The following SHISA6 variants were observed in gnomAD, a reference collection of about 807,000 sequenced individuals.
SHISA6 encodes the protein shisa family member 6, also known as protein shisa-6.
In SHISA6, 22 loss-of-function variants were observed where a neutral mutation model predicts 47.9. The observed-to-expected ratio is 0.46, with a 90% CI of 0.33 to 0.66. The LOEUF (loss-of-function observed/expected upper bound fraction) is 0.66, where lower values mean the gene tolerates loss of function less well. Among genes scored for constraint, SHISA6 ranks in the 30% least tolerant of loss-of-function variants. The pLI, the probability that SHISA6 is intolerant of heterozygous loss-of-function variation, is 0.02. For missense variants in SHISA6, 680 were observed against 764.6 expected (o/e 0.89, Z 1.30); for synonymous variants, 388 against 337.8 (o/e 1.15, Z -1.63).
chr17:11,517,198 G>T (rs1358944599), intron 3 of SHISA6, among the ~76,000 whole-genome samples: 1 of 152,188 alleles, frequency 6.6e-6, no homozygotes, highest in Non-Finnish European at 1.5e-5. Flanking sequence ...CTCTAAAGAT[G>T]ATTTGAGGGT....
chr17:11,244,947 A>G (rs1178408789), intron 1 of SHISA6, among the ~76,000 whole-genome samples: 3 of 152,104 alleles, frequency 2.0e-5, no homozygotes, highest in Non-Finnish European at 4.4e-5. Context: ...CGGATGGGCC[A>G]TCTGCATCTG....
At chr17:11,334,665 C>T (rs1210789463) in intron 2 of SHISA6, among the ~76,000 whole-genome samples, 2 of 152,214 alleles carry the variant, frequency 1.3e-5, no homozygotes, top group African/African-American at 2.4e-5. Flanking sequence ...CACATGATGC[C>T]AACATCACCT....
chr17:11,483,161 T>C (rs904839279), intron 3 of SHISA6, among the ~76,000 whole-genome samples: 6 of 151,736 alleles, frequency 4.0e-5, no homozygotes, highest in Non-Finnish European at 8.8e-5. Context: ...ATTAGCTGGG[T>C]GTGGTGGCAC....
intron 3 of SHISA6, among the ~76,000 whole-genome samples, chr17:11,401,986 T>C (rs1333646293): frequency 6.6e-6 from 1 of 152,160 alleles, no homozygotes; most frequent in Non-Finnish European, 1.5e-5. Flanking sequence ...AACACTCCCT[T>C]TCATAAAGGG....
At chr17:11,477,543 A>G (rs1373433800) in intron 3 of SHISA6, among the ~76,000 whole-genome samples, 1 of 149,416 alleles carries the variant, frequency 6.7e-6, no homozygotes, top group African/African-American at 2.5e-5. Context: ...AGCATTAGGT[A>G]TACCTCCCGA....
At chr17:11,375,459 T>C (rs1912768063) in intron 2 of SHISA6, among the ~76,000 whole-genome samples, 1 of 152,190 alleles carries the variant, frequency 6.6e-6, no homozygotes. Context: ...CCTGATCAGT[T>C]TGTTTCCCCC....
chr17:11,349,214 G>A (rs1318975852), intron 2 of SHISA6, among the ~76,000 whole-genome samples: 2 of 152,040 alleles, frequency 1.3e-5, no homozygotes, highest in East Asian at 1.9e-4. Context: ...ATTCCATTTC[G>A]CCATTGTTTC....
rs146511716 is a variant in SHISA6 at position 11,524,081 on chromosome 17, A to AAAAG, written c.896-27797_896-27794dup. On this transcript the variant is annotated intron_variant, in intron 3 of 5. Transcript: ENST00000441885. ...GAAAGAAAGAAAGATGAAAGAAAGA[A>AAAAG]AAAGAAAGAAAGAAAGAAAGAGAAA... is the stretch of plus-strand genomic sequence containing the variant. 3.2e-3 allele frequency among the ~76,000 whole-genome samples: 491 copies of AAAAG among 151,222 alleles called. 1 individual carries two copies. Among genetic ancestry groups the AAAAG allele is most frequent in the African/African-American group, 6.5e-3 (267 of 41,248 alleles).
intron 2 of SHISA6, among the ~76,000 whole-genome samples, chr17:11,351,913 A>G (rs1911904495): frequency 6.6e-6 from 1 of 152,220 alleles, no homozygotes; most frequent in African/African-American, 2.4e-5. Context: ...TGGTGGTGCT[A>G]TTGGGATGGG....
At chr17:11,547,335 A>C (rs1427699237) in intron 3 of SHISA6, among the ~76,000 whole-genome samples, 2 of 152,230 alleles carry the variant, frequency 1.3e-5, no homozygotes, top group East Asian at 3.8e-4. Flanking sequence ...AAATCTCAGT[A>C]AGTTCCAAAA....
intron 3 of SHISA6, among the ~76,000 whole-genome samples, chr17:11,433,440 C>T (rs990034314): frequency 9.9e-5 from 15 of 152,114 alleles, no homozygotes; most frequent in Non-Finnish European, 1.6e-4. Flanking sequence ...GCATAGTATT[C>T]CATGGTGTAT....
chr17:11,417,967 C>T (rs1914333399), intron 3 of SHISA6, among the ~76,000 whole-genome samples: 1 of 152,172 alleles, frequency 6.6e-6, no homozygotes, highest in South Asian at 2.1e-4. Flanking sequence ...ACTCAAGGTA[C>T]TTGGTCAGTT....
At chr17:11,514,944 T>C (rs980633669) in intron 3 of SHISA6, among the ~76,000 whole-genome samples, 15 of 152,182 alleles carry the variant, frequency 9.9e-5, no homozygotes, top group African/African-American at 3.4e-4. Flanking sequence ...TGTCTCTAAC[T>C]GTGCCTTTGA....
intron 3 of SHISA6, among the ~76,000 whole-genome samples, chr17:11,392,165 A>ATT (rs1401735062): frequency 6.6e-6 from 1 of 152,018 alleles, no homozygotes; most frequent in Non-Finnish European, 1.5e-5. Flanking sequence ...TTCCCAGTGA[A>ATT]TCTTTTTTTT....
intron 3 of SHISA6, among the ~76,000 whole-genome samples, chr17:11,499,688 T>C (rs1179592664): frequency 6.0e-5 from 9 of 149,538 alleles, no homozygotes; most frequent in East Asian, 5.8e-4. Flanking sequence ...TCTTTCTTTT[T>C]TTTTTTTTTT....
At chr17:11,430,110 A>G (rs995189393) in intron 3 of SHISA6, among the ~76,000 whole-genome samples, 7 of 152,196 alleles carry the variant, frequency 4.6e-5, no homozygotes, top group Non-Finnish European at 8.8e-5. Context: ...ATAATTTGCT[A>G]AGTGTCACAC....
intron 3 of SHISA6, among the ~76,000 whole-genome samples, chr17:11,407,192 A>G (rs1474056397): frequency 2.0e-5 from 3 of 151,948 alleles, no homozygotes; most frequent in Non-Finnish European, 4.4e-5. Context: ...CAAGATAACC[A>G]CTATTAGTAT....
chr17:11,483,098 T>G (rs774103750), intron 3 of SHISA6, among the ~76,000 whole-genome samples: 10 of 152,036 alleles, frequency 6.6e-5, no homozygotes, highest in Non-Finnish European at 1.5e-4. Context: ...GGTCAGGAGT[T>G]CGAGACCAGC....
chr17:11,533,590 T>TTA (rs1567631876), intron 3 of SHISA6, among the ~76,000 whole-genome samples: 1 of 76,500 alleles, frequency 1.3e-5, no homozygotes, highest in Non-Finnish European at 2.7e-5. Flanking sequence ...TTTCATTATT[T>TTA]TTTTTTTTTT....
Sources: gnomAD v4.1 joint callset for allele counts (sites outside exome capture counted in the v4.1 genomes callset) on GRCh38, gnomAD v4.1.1 for gene constraint, MANE v1.5 for transcripts, NCBI Gene and HGNC (gene_info 2026-07-23, HGNC 2026-07-21) for gene names.